Variants in RAB30 observed in about 807,000 individuals in gnomAD.
The protein encoded by RAB30 is RAB30, member RAS oncogene family.
Under a neutral mutation model 25.1 loss-of-function variants are expected in RAB30, and 9 were observed. That is an observed-to-expected ratio of 0.36 (90% CI 0.22 to 0.63). The LOEUF (loss-of-function observed/expected upper bound fraction) is 0.63. RAB30 is among the 20% of genes least tolerant of loss of function. The pLI is 0.69. For missense variants in RAB30, 140 were observed against 243.5 expected (o/e 0.58, Z 2.83); for synonymous variants, 77 against 86.4 (o/e 0.89, Z 0.60).
chr11:83,067,142 G>A (rs1181643582), intron 1 of RAB30, among the ~76,000 whole-genome samples: 1 of 152,112 alleles, frequency 6.6e-6, no homozygotes, highest in Non-Finnish European at 1.5e-5. Context: ...TATTGCCAAA[G>A]TACCTCTTTG....
In RAB30 at chr11:82,976,966, T is replaced by C. The variant is rs763403672; in HGVS notation, c.*5199A>G. The C allele has an allele frequency of 3.3e-5, 5 of 152,222 alleles. No individual in the cohort carries two copies. Among genetic ancestry groups the C allele is most frequent in the Admixed American group, 6.5e-5 (1 of 15,282 alleles). 9.4% of individuals were successfully genotyped at this position (152,222 alleles called of 1,614,324 possible). ...AATCAAACCAACTAAGGAAATGTCA[T>C]TGATACTTTTCTAAAATAGATCTTG... On this transcript the variant is annotated 3_prime_UTR_variant, in exon 5 of 5. Coordinates refer to ENST00000527633, the MANE Select transcript of RAB30 (RefSeq NM_001286060.2).
At chr11:82,987,073 A>G (rs1242500405) in intron 4 of RAB30, 1 of 152,220 alleles carries the variant, frequency 6.6e-6, no homozygotes, top group Non-Finnish European at 1.5e-5. Flanking sequence ...TTCCCCCCAT[A>G]CTAAATAGAG....
chr11:83,037,218 A>T (rs900324736), intron 1 of RAB30, among the ~76,000 whole-genome samples: 2 of 152,196 alleles, frequency 1.3e-5, no homozygotes, highest in Non-Finnish European at 2.9e-5. Context: ...AAAAACTTTG[A>T]AATTTAATTA....
intron 1 of RAB30, among the ~76,000 whole-genome samples, chr11:83,058,997 C>A (rs1366805891): frequency 6.6e-6 from 1 of 152,248 alleles, no homozygotes; most frequent in Non-Finnish European, 1.5e-5. Context: ...GGTTGGAGTG[C>A]AATGGCACGA....
At chr11:83,050,847 T>C (rs1455202478) in intron 1 of RAB30, among the ~76,000 whole-genome samples, 1 of 152,128 alleles carries the variant, frequency 6.6e-6, no homozygotes, top group African/African-American at 2.4e-5. Context: ...AATCATTTGG[T>C]GTGGCTGTGG....
intron 1 of RAB30, among the ~76,000 whole-genome samples, chr11:83,043,364 A>G (rs1394414503): frequency 6.6e-6 from 1 of 152,216 alleles, no homozygotes; most frequent in Non-Finnish European, 1.5e-5. Flanking sequence ...TGATCAGCTG[A>G]GCCTAATCCA....
intron 1 of RAB30, among the ~76,000 whole-genome samples, chr11:83,056,620 C>G (rs923330491): frequency 4.6e-5 from 7 of 152,136 alleles, no homozygotes; most frequent in Non-Finnish European, 1.0e-4. Context: ...AAAAATGAAT[C>G]ATCTTCCACA....
chr11:82,992,425 G>A (rs978400155), intron 3 of RAB30: 1 of 455,568 alleles, frequency 2.2e-6, no homozygotes, highest in African/African-American at 2.0e-5. Context: ...GACACTGAGA[G>A]AGCTTCTGGC....
chr11:82,994,995 A>G (rs902464706), intron 2 of RAB30, among the ~76,000 whole-genome samples: 4 of 152,266 alleles, frequency 2.6e-5, no homozygotes, highest in Non-Finnish European at 4.4e-5. Flanking sequence ...AAACTTAACC[A>G]GAAAGATGAG....
intron 2 of RAB30, among the ~76,000 whole-genome samples, chr11:82,994,516 G>A (rs1469892323): frequency 6.6e-6 from 1 of 152,084 alleles, no homozygotes; most frequent in East Asian, 1.9e-4. Context: ...GAAGGGTCAG[G>A]GCAAAATGGA....
intron 4 of RAB30, among the ~76,000 whole-genome samples, chr11:82,985,805 GGGCTCA>G (rs1856729736): frequency 6.7e-6 from 1 of 149,704 alleles, no homozygotes; most frequent in Non-Finnish European, 1.5e-5. Context: ...TTCAACTTCT[GGGCTCA>G]GGTGATCCTC....
chr11:83,022,938 G>T (rs1857614134), intron 1 of RAB30, among the ~76,000 whole-genome samples: 1 of 150,960 alleles, frequency 6.6e-6, no homozygotes, highest in African/African-American at 2.4e-5. Flanking sequence ...CTTTCAAATG[G>T]TCCAGCATAT....
intron 2 of RAB30, among the ~76,000 whole-genome samples, chr11:82,995,844 T>TA (rs1441835939): frequency 1.3e-5 from 2 of 152,188 alleles, no homozygotes; most frequent in Non-Finnish European, 2.9e-5. Context: ...AGCAGGCATT[T>TA]AGCCCCTCTA....
rs183342697 is a variant in RAB30 at position 82,974,221 on chromosome 11, C to T, written c.*7944G>A. The T allele has an allele frequency of 1.2e-4, 18 of 152,210 alleles. No homozygotes were observed. In the East Asian group the frequency reaches 3.3e-3, roughly 28 times the overall value. The allele number at this position is 152,210 out of a possible 1,614,324, so 9.4% of individuals were successfully genotyped here. On this transcript the variant is annotated 3_prime_UTR_variant, in exon 5 of 5. Transcript: ENST00000527633. ...ATGATTAAAAACATTGAAGTTTACA[C>T]CTTAATAGGATAAACCGTATGGTGC...
At chr11:83,028,517 G>C (rs1024227291) in intron 1 of RAB30, among the ~76,000 whole-genome samples, 1 of 152,056 alleles carries the variant, frequency 6.6e-6, no homozygotes, top group African/African-American at 2.4e-5. Flanking sequence ...GAAAACTGCA[G>C]ACAAAGAGAA....
At chr11:83,054,402 T>C (rs1169895584) in intron 1 of RAB30, among the ~76,000 whole-genome samples, 3 of 152,200 alleles carry the variant, frequency 2.0e-5, no homozygotes, top group African/African-American at 7.2e-5. Flanking sequence ...ATATAATAGA[T>C]ATAAAACTTG....
chr11:83,032,007 T>G (rs1857874742), intron 1 of RAB30, among the ~76,000 whole-genome samples: 1 of 152,158 alleles, frequency 6.6e-6, no homozygotes, highest in African/African-American at 2.4e-5. Context: ...GACCTACCCC[T>G]TGAGAGCTGA....
At chr11:83,016,576 C>T (rs997384393) in intron 1 of RAB30, among the ~76,000 whole-genome samples, 2 of 152,126 alleles carry the variant, frequency 1.3e-5, no homozygotes, top group Admixed American at 6.6e-5. Flanking sequence ...ATCTATAAGA[C>T]TTAATCTTAA....
intron 2 of RAB30, among the ~76,000 whole-genome samples, chr11:82,995,937 A>G (rs942587011): frequency 6.6e-6 from 1 of 152,236 alleles, no homozygotes; most frequent in African/African-American, 2.4e-5. Flanking sequence ...AAGGTCAAGG[A>G]AACTTTTGAT....
Sources: allele counts gnomAD v4.1 joint callset (sites outside exome capture counted in the v4.1 genomes callset), GRCh38; gene constraint gnomAD v4.1.1; transcripts MANE v1.5; gene names NCBI Gene and HGNC (gene_info 2026-07-23, HGNC 2026-07-21).